The following SVOP variants were observed in gnomAD, a reference collection of about 807,000 sequenced individuals.
The protein encoded by SVOP is SV2 related protein, also known as synaptic vesicle 2-related protein.
SVOP carries 17 observed loss-of-function variants against 69.1 expected under a neutral mutation model. That is an observed-to-expected ratio of 0.25 (90% confidence interval 0.17 to 0.37). SVOP has a LOEUF of 0.37. SVOP is among the 10% of genes least tolerant of loss of function. The pLI is 1.00. For missense variants in SVOP, 435 were observed against 597.5 expected (o/e 0.73, Z 2.84); for synonymous variants, 238 against 238.6 (o/e 1.00, Z 0.02).
intron 13 of SVOP, among the ~76,000 whole-genome samples, chr12:108,919,337 C>G (rs2039734409): frequency 6.6e-6 from 1 of 150,978 alleles, no homozygotes; most frequent in Non-Finnish European, 1.5e-5. Flanking sequence ...ACACCTGGGC[C>G]TGCACCTATA....
intron 6 of SVOP, among the ~76,000 whole-genome samples, chr12:108,951,931 C>T (rs1317868756): frequency 6.6e-6 from 1 of 152,170 alleles, no homozygotes; most frequent in Non-Finnish European, 1.5e-5. Flanking sequence ...CTTGCTTTGA[C>T]CACCAGAATG....
chr12:108,934,025 G>A (rs140393868), intron 11 of SVOP, among the ~76,000 whole-genome samples, 170 bp downstream of exon 11: 54 of 152,320 alleles, frequency 3.5e-4, no homozygotes, highest in Admixed American at 2.0e-3. Flanking sequence ...TCTAAGATTA[G>A]CTCCATCGCG....
chr12:108,950,384 T>G (rs1437218198), intron 6 of SVOP, among the ~76,000 whole-genome samples: 1 of 148,292 alleles, frequency 6.7e-6, no homozygotes, highest in African/African-American at 2.5e-5. Flanking sequence ...TGGCCAAGAA[T>G]TACTCTTTTT....
intron 10 of SVOP, chr12:108,937,026 C>T (rs1033870941): frequency 1.0e-5 from 5 of 496,644 alleles, no homozygotes; most frequent in African/African-American, 5.9e-5. Context: ...AGCGCCACTG[C>T]ACTCCAGCCT....
At chr12:109,015,050 C>T (rs1405709783) in intron 1 of SVOP, among the ~76,000 whole-genome samples, 3 of 152,124 alleles carry the variant, frequency 2.0e-5, no homozygotes, top group Non-Finnish European at 4.4e-5. Flanking sequence ...TTAATAGTAG[C>T]CATCCTGATG....
At chr12:108,914,103 C>T (rs1446099227) in intron 15 of SVOP, among the ~76,000 whole-genome samples, 2 of 152,236 alleles carry the variant, frequency 1.3e-5, no homozygotes, top group Non-Finnish European at 2.9e-5. Context: ...AGAATAGAAA[C>T]ACTTGGCTAA....
intron 11 of SVOP, among the ~76,000 whole-genome samples, chr12:108,925,027 TA>T (rs1005212241): frequency 1.2e-4 from 18 of 152,128 alleles, no homozygotes; most frequent in African/African-American, 3.6e-4. Flanking sequence ...TTTTTTTTTT[TA>T]CCAATTACAA....
chr12:108,979,440 C>G lies in SVOP; in HGVS notation c.197-777G>C, dbSNP rs145345861. On this transcript the variant is annotated intron_variant, in intron 2 of 15. Transcript: ENST00000610966. ...TATTTTTTGTAGAGATGAGGTCTCACTATGTTACCCAGGCTGGTCTTGAAC... is the reference window on the plus strand; with the variant it reads ...TATTTTTTGTAGAGATGAGGTCTCAGTATGTTACCCAGGCTGGTCTTGAAC... Among the ~76,000 whole-genome samples, 260 of 152,152 alleles carry G rather than the reference C, an allele frequency of 1.7e-3. 1 individual carries two copies. Among genetic ancestry groups the G allele is most frequent in the African/African-American group, 6.0e-3 (250 of 41,502 alleles).
chr12:108,980,022 A>T (rs1455095032), intron 2 of SVOP, among the ~76,000 whole-genome samples: 3 of 152,114 alleles, frequency 2.0e-5, no homozygotes, highest in Admixed American at 1.3e-4. Context: ...AAATATTTTT[A>T]AAAAGTAGCT....
At chr12:108,977,666 G>A (rs36182807) in intron 3 of SVOP, among the ~76,000 whole-genome samples, 170 bp from the exon 4 acceptor site, 8 of 151,992 alleles carry the variant, frequency 5.3e-5, no homozygotes, top group Admixed American at 1.3e-4. Flanking sequence ...TTAAAACCAT[G>A]CATTACCATT....
intron 6 of SVOP, among the ~76,000 whole-genome samples, chr12:108,952,988 T>A (rs762176515): frequency 6.6e-6 from 1 of 152,084 alleles, no homozygotes. Flanking sequence ...GAGCAGAACA[T>A]TTAGCAAAGT....
intron 1 of SVOP, among the ~76,000 whole-genome samples, chr12:108,989,100 C>T (rs143821008): frequency 0.34 from 51,851 of 151,766 alleles, 9,375 homozygotes; most frequent in African/African-American, 0.45. Flanking sequence ...GACGGAGTCT[C>T]GCTCTGTTGC....
At chr12:108,929,387 T>A (rs1460138633) in intron 11 of SVOP, among the ~76,000 whole-genome samples, 1 of 152,078 alleles carries the variant, frequency 6.6e-6, no homozygotes, top group Non-Finnish European at 1.5e-5. Flanking sequence ...AATGGTGTGA[T>A]CACACCTCAC....
In SVOP at chr12:109,012,483, C is replaced by T. The variant is rs143046229; in HGVS notation, c.35+8351G>A. Reference sequence around the variant, plus strand: ...TTGATTTAGCTATTTCACAATTACACGTATTTCAGAACAACATGTTCTACA... The same window carrying T: ...TTGATTTAGCTATTTCACAATTACATGTATTTCAGAACAACATGTTCTACA... On this transcript the variant is annotated intron_variant, in intron 1 of 15. Coordinates refer to ENST00000610966, the MANE Select transcript of SVOP (RefSeq NM_018711.5). 1.2e-4 allele frequency among the ~76,000 whole-genome samples: 19 copies of T among 152,060 alleles called. No homozygotes were observed. In the East Asian group the frequency reaches 3.1e-3, roughly 25 times the overall value.
In SVOP at chr12:108,919,721, C is replaced by T; in HGVS notation, c.1222G>A (p.Val408Ile). The change falls in exon 13 of 16, where the codon GTC becomes ATC. Residue 408 changes from valine (V) to isoleucine (I), a missense_variant. Physicochemically the swap from Val to Ile is conservative, Grantham distance 29. Coordinates refer to ENST00000610966, the MANE Select transcript of SVOP (RefSeq NM_018711.5). ...GRKKTMALCF[V>I]IFSFCSLLLF... ...AGGAGGCTGCAGAAGGAGAAGATGACAAAGCACAGGGCCATGGTCTTCTTG... is the reference window on the plus strand; with the variant it reads ...AGGAGGCTGCAGAAGGAGAAGATGATAAAGCACAGGGCCATGGTCTTCTTG... The T allele has an allele frequency of 6.2e-7, 1 of 1,608,374 alleles. No individual in the cohort carries two copies.
At chr12:108,945,573 A>C (rs1447263031) in intron 6 of SVOP, among the ~76,000 whole-genome samples, 1 of 151,532 alleles carries the variant, frequency 6.6e-6, no homozygotes, top group Non-Finnish European at 1.5e-5. Context: ...TATTATTATG[A>C]TTTGTAGAGA....
rs1238622082 is a variant in SVOP, at chr12:108,910,360, A to AT, written c.*2174dup. 5 of 152,252 alleles carry AT rather than the reference A, an allele frequency of 3.3e-5. No individual in the cohort carries two copies. Among genetic ancestry groups the AT allele is most frequent in the African/African-American group, 1.2e-4 (5 of 41,432 alleles). 9.4% of individuals were successfully genotyped at this position (152,252 alleles called of 1,614,324 possible). Reference sequence around the variant, plus strand: ...AATATTCCTGCCCACCAAGCACTCTATCCCCCCCAGCCCCCAGCTCCACTG... The same window carrying AT: ...AATATTCCTGCCCACCAAGCACTCTATTCCCCCCCAGCCCCCAGCTCCACTG... On this transcript the variant is annotated 3_prime_UTR_variant, in exon 16 of 16. Coordinates refer to ENST00000610966, the MANE Select transcript of SVOP (RefSeq NM_018711.5).
chr12:109,017,425 G>A (rs2040373125), intron 1 of SVOP, among the ~76,000 whole-genome samples: 1 of 151,980 alleles, frequency 6.6e-6, no homozygotes, highest in African/African-American at 2.4e-5. Flanking sequence ...AAAAAGTTGG[G>A]GACTGCTGGC....
At chr12:109,003,523 C>T (rs141534670) in intron 1 of SVOP, among the ~76,000 whole-genome samples, 1 of 152,326 alleles carries the variant, frequency 6.6e-6, no homozygotes, top group East Asian at 1.9e-4. Flanking sequence ...AACCTGTCTT[C>T]TCCAAGTCAC....
Sources: gnomAD v4.1 joint callset for allele counts (sites outside exome capture counted in the v4.1 genomes callset) on GRCh38, gnomAD v4.1.1 for gene constraint, MANE v1.5 for transcripts, NCBI Gene and HGNC (gene_info 2026-07-23, HGNC 2026-07-21) for gene names.